The following OR9Q1 variants were observed in gnomAD, a reference collection of about 807,000 sequenced individuals.
OR9Q1 encodes olfactory receptor 9Q1.
For synonymous variants in OR9Q1, 153 were observed against 148.6 expected, an observed-to-expected ratio of 1.03 and a Z score of -0.22; for missense variants, 374 against 378.8, an observed-to-expected ratio of 0.99 and a Z score of 0.11.
At chr11:58,026,913 T>C (rs1195865368) in intron 1 of OR9Q1, 1 of 152,206 alleles carries the variant, frequency 6.6e-6, no homozygotes, top group Non-Finnish European at 1.5e-5. Flanking sequence ...TCTTTGAATG[T>C]TGTTCTCCAT....
At chr11:58,072,259 T>C (rs1314671352) in intron 2 of OR9Q1, 1 of 152,226 alleles carries the variant, frequency 6.6e-6, no homozygotes, top group Non-Finnish European at 1.5e-5. Flanking sequence ...GTTTATTTTT[T>C]TCATGTAACA....
intron 2 of OR9Q1, among the ~76,000 whole-genome samples, chr11:58,090,213 T>C (rs902136463): frequency 6.6e-6 from 1 of 152,234 alleles, no homozygotes; most frequent in Admixed American, 6.5e-5. Context: ...GAGGGCATCC[T>C]TGTCTTGTGC....
chr11:58,097,443 A>T lies in OR9Q1; in HGVS notation c.-15+41496A>T, dbSNP rs554057110. Reference sequence around the variant, plus strand: ...ATACTTTCCAATGTCATACAATTTTATATGGACCATGCCAAGTGTTGGAAG... The same window carrying T: ...ATACTTTCCAATGTCATACAATTTTTTATGGACCATGCCAAGTGTTGGAAG... On this transcript the variant is annotated intron_variant, in intron 2 of 2. Coordinates refer to ENST00000335397, the MANE Select transcript of OR9Q1 (RefSeq NM_001005212.4). 7.0e-4 allele frequency among the ~76,000 whole-genome samples: 106 copies of T among 152,334 alleles called. 1 individual carries two copies. Among genetic ancestry groups the T allele is most frequent in the Non-Finnish European group, 1.3e-3 (90 of 68,022 alleles).
At chr11:58,091,582 A>G (rs1479405572) in intron 2 of OR9Q1, among the ~76,000 whole-genome samples, 1 of 152,078 alleles carries the variant, frequency 6.6e-6, no homozygotes, top group Non-Finnish European at 1.5e-5. Context: ...TCAATTTTTG[A>G]ATATGTGCAA....
intron 2 of OR9Q1, among the ~76,000 whole-genome samples, chr11:58,096,703 C>CTTTT (rs371701829): frequency 2.8e-5 from 3 of 108,804 alleles, no homozygotes; most frequent in Non-Finnish European, 5.3e-5. Flanking sequence ...GAGACAGTCT[C>CTTTT]TTTTTTTTTT....
At chr11:58,132,326 A>G (rs904828671) in intron 2 of OR9Q1, among the ~76,000 whole-genome samples, 10 of 152,208 alleles carry the variant, frequency 6.6e-5, no homozygotes, top group Admixed American at 5.9e-4. Context: ...AAGAGTAAGG[A>G]GTCTGGAGCC....
At chr11:58,111,648 T>C (rs1853900299) in intron 2 of OR9Q1, among the ~76,000 whole-genome samples, 1 of 152,184 alleles carries the variant, frequency 6.6e-6, no homozygotes, top group Admixed American at 6.5e-5. Flanking sequence ...CTCTCTACTG[T>C]GTTCAAAGGG....
chr11:58,033,277 C>T (rs531406906), intron 1 of OR9Q1, among the ~76,000 whole-genome samples: 1 of 152,020 alleles, frequency 6.6e-6, no homozygotes, highest in Non-Finnish European at 1.5e-5. Flanking sequence ...GTAAAATAAT[C>T]GTTCTATCAA....
At chr11:58,033,726 A>G (rs1853066573) in intron 1 of OR9Q1, among the ~76,000 whole-genome samples, 1 of 152,150 alleles carries the variant, frequency 6.6e-6, no homozygotes. Context: ...CTTGTGACAA[A>G]TCTGCACATG....
At chr11:58,105,921 G>A (rs1056574498) in intron 2 of OR9Q1, among the ~76,000 whole-genome samples, 3 of 152,082 alleles carry the variant, frequency 2.0e-5, no homozygotes, top group Admixed American at 6.6e-5. Flanking sequence ...ATGATGCAAC[G>A]AATGTGGGAG....
chr11:58,110,744 A>T (rs1565078496), intron 2 of OR9Q1, among the ~76,000 whole-genome samples: 1 of 152,218 alleles, frequency 6.6e-6, no homozygotes, highest in South Asian at 2.1e-4. Flanking sequence ...GAGGTAGTTC[A>T]TGGAAAGGGT....
At chr11:58,066,305 G>A (rs1003770456) in intron 2 of OR9Q1, among the ~76,000 whole-genome samples, 3 of 152,134 alleles carry the variant, frequency 2.0e-5, no homozygotes, top group African/African-American at 7.2e-5. Flanking sequence ...AGGTAGCTGG[G>A]GGTCCAGATA....
intron 2 of OR9Q1, among the ~76,000 whole-genome samples, chr11:58,126,149 T>C (rs1854088289): frequency 6.6e-6 from 1 of 152,152 alleles, no homozygotes; most frequent in African/African-American, 2.4e-5. Context: ...TTTCCAGGGT[T>C]TCCATGGTCA....
chr11:58,145,800 A>T (rs950262633), intron 2 of OR9Q1, among the ~76,000 whole-genome samples: 6 of 152,048 alleles, frequency 3.9e-5, no homozygotes, highest in Non-Finnish European at 8.8e-5. Context: ...TATTAAGCTC[A>T]TTTTTGTGCC....
intron 2 of OR9Q1, among the ~76,000 whole-genome samples, chr11:58,090,564 T>G (rs1274857871): frequency 6.6e-6 from 1 of 152,186 alleles, no homozygotes; most frequent in Non-Finnish European, 1.5e-5. Context: ...TTATTGCAGA[T>G]TTTTGCATCA....
Position 58,179,420 on chromosome 11 carries a change from A to G in OR9Q1, c.-14-11A>G. 6.7e-7 allele frequency: 1 copy of G among 1,483,388 alleles called. No homozygotes were observed. Among genetic ancestry groups the G allele is most frequent in the Non-Finnish European group, 9.1e-7 (1 of 1,097,288 alleles). 91.9% of individuals were successfully genotyped at this position (1,483,388 alleles called of 1,614,324 possible). ...ACCTTCCTAACTTGCTTCCCATTCT[A>G]CATGTCTCAGGGACCACTGGTGTCA... is the stretch of plus-strand genomic sequence containing the variant. On this transcript the variant is annotated splice_polypyrimidine_tract_variant and intron_variant, in intron 2 of 2. Transcript: ENST00000335397.
intron 2 of OR9Q1, among the ~76,000 whole-genome samples, chr11:58,093,927 G>A (rs905866785): frequency 1.2e-4 from 19 of 152,026 alleles, no homozygotes; most frequent in African/African-American, 4.3e-4. Flanking sequence ...ATTTGATCTA[G>A]CAATCCCACT....
chr11:58,087,982 G>C (rs540493994), intron 2 of OR9Q1, among the ~76,000 whole-genome samples: 8 of 151,548 alleles, frequency 5.3e-5, no homozygotes, highest in Non-Finnish European at 1.0e-4. Context: ...CTGCCTCCTG[G>C]GTTCATGCAA....
chr11:58,060,839 G>A (rs1123196), intron 2 of OR9Q1, among the ~76,000 whole-genome samples: 101,196 of 151,648 alleles, frequency 0.67, 34,198 homozygotes, highest in Middle Eastern at 0.8. Context: ...AACACAGTGT[G>A]GCCTGTTTAT....
Sources: allele counts gnomAD v4.1 joint callset (sites outside exome capture counted in the v4.1 genomes callset), GRCh38; gene constraint gnomAD v4.1.1; transcripts MANE v1.5; gene names NCBI Gene and HGNC (gene_info 2026-07-23, HGNC 2026-07-21).